The following GMDS variants were observed in gnomAD, a reference collection of about 807,000 sequenced individuals.
GMDS encodes the protein GDP-mannose 4,6 dehydratase.
Under a neutral mutation model 49.9 loss-of-function variants are expected in GMDS, and 20 were observed. That is an observed-to-expected ratio of 0.40 (90% confidence interval 0.28 to 0.58). The LOEUF (loss-of-function observed/expected upper bound fraction) is 0.58. Among genes scored for constraint, GMDS ranks in the 20% least tolerant of loss-of-function variants. GMDS has a pLI of 0.42. For synonymous variants in GMDS, 177 were observed against 178.6 expected, an observed-to-expected ratio of 0.99 and a Z score of 0.07; for missense variants, 362 against 481.4, an observed-to-expected ratio of 0.75 and a Z score of 2.32.
chr6:2,186,881 T>A (rs1778801964), intron 1 of GMDS, among the ~76,000 whole-genome samples: 2 of 152,214 alleles, frequency 1.3e-5, no homozygotes, highest in Admixed American at 1.3e-4. Context: ...GTACATATAT[T>A]TCATATTTAT....
intron 4 of GMDS, among the ~76,000 whole-genome samples, chr6:1,976,975 T>C (rs907247970): frequency 1.3e-5 from 2 of 152,166 alleles, no homozygotes; most frequent in Non-Finnish European, 2.9e-5. Context: ...ATCTGCGGGC[T>C]GATGAGAAAC....
chr6:2,052,675 T>C (rs764161993), intron 4 of GMDS, among the ~76,000 whole-genome samples: 4 of 152,240 alleles, frequency 2.6e-5, no homozygotes, highest in Admixed American at 6.5e-5. Flanking sequence ...TAGATTATTA[T>C]GGTTGCAAGA....
chr6:2,004,051 C>T (rs376219866), intron 4 of GMDS, among the ~76,000 whole-genome samples: 4 of 152,218 alleles, frequency 2.6e-5, no homozygotes, highest in South Asian at 4.2e-4. Flanking sequence ...TGTGACAAGG[C>T]TCTTCTTCTC....
intron 1 of GMDS, among the ~76,000 whole-genome samples, chr6:2,206,179 AC>A (rs1205595846): frequency 1.3e-5 from 2 of 151,674 alleles, no homozygotes; most frequent in African/African-American, 4.9e-5. Context: ...AATCGCTTGA[AC>A]CCGGGAGGCA....
Position 1,742,212 on chromosome 6 carries a change from G to A in GMDS, c.890+256C>T, listed in dbSNP as rs12206354. Among the ~76,000 whole-genome samples the A allele has an allele frequency of 0.42, 63,033 of 151,776 alleles. 13,792 individuals are homozygous for A. Among genetic ancestry groups the A allele is most frequent in the East Asian group, 0.59 (3,065 of 5,156 alleles). ...TGGGATTACAGGCGTGAACCACCGCGCCTGGCCAAAAACATCTTAAAAGAA... is the reference window on the plus strand; with the variant it reads ...TGGGATTACAGGCGTGAACCACCGCACCTGGCCAAAAACATCTTAAAAGAA... On this transcript the variant is annotated intron_variant, in intron 8 of 10. Coordinates refer to ENST00000380815, the MANE Select transcript of GMDS (RefSeq NM_001500.4).
rs554733970 is a variant in GMDS, at chr6:2,228,525, C to T, written c.102+16796G>A. Among the ~76,000 whole-genome samples, 45 of 152,308 alleles carry T rather than the reference C, an allele frequency of 3.0e-4. 1 individual carries two copies. Among genetic ancestry groups the T allele is most frequent in the African/African-American group, 8.9e-4 (37 of 41,562 alleles). ...CTTCCCCATCCCCAGGGCAGCCATG[C>T]CTCCTTCCACCTAAGCTTGGTGAGC... On this transcript the variant is annotated intron_variant, in intron 1 of 10. Transcript: ENST00000380815.
At chr6:1,661,130 C>T (rs551837999) in intron 9 of GMDS, among the ~76,000 whole-genome samples, 10 of 152,296 alleles carry the variant, frequency 6.6e-5, no homozygotes, top group Non-Finnish European at 8.8e-5. Context: ...GCAGTCCTCT[C>T]GGCTTCTGGA....
At chr6:1,729,316 C>T (rs933900686) in intron 8 of GMDS, among the ~76,000 whole-genome samples, 1 of 152,204 alleles carries the variant, frequency 6.6e-6, no homozygotes, top group African/African-American at 2.4e-5. Context: ...ACTCAACAGG[C>T]ACCAGCTCCC....
chr6:2,101,074 T>C (rs1773897000), intron 4 of GMDS, among the ~76,000 whole-genome samples: 1 of 151,830 alleles, frequency 6.6e-6, no homozygotes, highest in Admixed American at 6.6e-5. Flanking sequence ...AAAGTGAGCA[T>C]TTAAGTGTCA....
In GMDS at chr6:2,191,143, G is replaced by T. The variant is rs1165403258; in HGVS notation, c.102+54178C>A. On this transcript the variant is annotated intron_variant, in intron 1 of 10. Coordinates refer to ENST00000380815, the MANE Select transcript of GMDS (RefSeq NM_001500.4). The surrounding 1 kb of genome is among the most constrained non-coding windows in gnomAD (Gnocchi z 4.6). ...GCCGTGTTCTTGCGCCCCCAGAGAG[G>T]ACTCTGCACAGGGCCACCCACAGCC... Among the ~76,000 whole-genome samples the T allele has an allele frequency of 6.6e-6, 1 of 152,080 alleles. No homozygotes were observed. The highest frequency in any genetic ancestry group is 1.5e-5 in the Non-Finnish European group (1 of 67,988).
intron 1 of GMDS, among the ~76,000 whole-genome samples, chr6:2,174,495 G>A (rs1408446689): frequency 2.0e-5 from 3 of 152,220 alleles, no homozygotes; most frequent in Middle Eastern, 3.4e-3. Context: ...AAGTATTGTT[G>A]AGACAATCAA....
At chr6:1,708,563 T>G (rs1386228001) in intron 9 of GMDS, among the ~76,000 whole-genome samples, 2 of 152,252 alleles carry the variant, frequency 1.3e-5, no homozygotes, top group Admixed American at 1.3e-4. Flanking sequence ...ATCAGATAAC[T>G]GGTGCATCAA....
intron 1 of GMDS, among the ~76,000 whole-genome samples, chr6:2,139,281 C>A (rs954016900): frequency 6.6e-6 from 1 of 152,106 alleles, no homozygotes. Context: ...ACTGTCTGCA[C>A]AAAATATTTA....
chr6:2,122,569 AATT>A (rs1775198880), intron 2 of GMDS, among the ~76,000 whole-genome samples: 1 of 152,220 alleles, frequency 6.6e-6, no homozygotes, highest in African/African-American at 2.4e-5. Flanking sequence ...CAATTTGAAA[AATT>A]ACTCTAACAT....
At chr6:2,181,472 A>G (rs1471706935) in intron 1 of GMDS, among the ~76,000 whole-genome samples, 2 of 152,140 alleles carry the variant, frequency 1.3e-5, no homozygotes, top group Non-Finnish European at 2.9e-5. Flanking sequence ...GCTACGTTTT[A>G]TTGCAATTCC....
At chr6:1,663,960 C>T (rs548336827) in intron 9 of GMDS, among the ~76,000 whole-genome samples, 3 of 152,294 alleles carry the variant, frequency 2.0e-5, no homozygotes, top group African/African-American at 7.2e-5. Flanking sequence ...ACTGGCTTAG[C>T]ACCCTCAGGA....
intron 9 of GMDS, among the ~76,000 whole-genome samples, chr6:1,668,046 T>C (rs931372133): frequency 4.6e-5 from 7 of 152,348 alleles, no homozygotes; most frequent in African/African-American, 9.6e-5. Context: ...TACCTGGCTA[T>C]TGATTTGCTA....
At chr6:1,787,876 A>C (rs1321854086) in intron 7 of GMDS, among the ~76,000 whole-genome samples, 2 of 152,194 alleles carry the variant, frequency 1.3e-5, no homozygotes, top group Non-Finnish European at 2.9e-5. Context: ...TTTTTCAAAG[A>C]GGAGTGTGTA....
intron 4 of GMDS, among the ~76,000 whole-genome samples, chr6:1,965,305 G>T (rs1037740866): frequency 1.3e-5 from 2 of 152,314 alleles, no homozygotes; most frequent in East Asian, 3.9e-4. Context: ...TAGTAAATAA[G>T]ATAGGGGAGC....
Sources: allele counts gnomAD v4.1 joint callset (sites outside exome capture counted in the v4.1 genomes callset), GRCh38; gene constraint gnomAD v4.1.1; non-coding constraint Gnocchi (gnomAD v3.1); transcripts MANE v1.5; gene names NCBI Gene and HGNC (gene_info 2026-07-23, HGNC 2026-07-21).